CSMD2: variants seen among roughly 807,000 people sequenced by gnomAD.
CSMD2 encodes CUB and sushi domain-containing protein 2.
Under a neutral mutation model 398.5 loss-of-function variants are expected in CSMD2, and 130 were observed. The ratio of observed to expected loss-of-function variants is 0.33; its 90% CI spans 0.28 to 0.38. CSMD2 has a LOEUF of 0.38. Among genes scored for constraint, CSMD2 ranks in the 10% least tolerant of loss-of-function variants. The probability of loss-of-function intolerance (pLI) is 1.00; values close to 1 mark genes in which losing one functional copy is unlikely to be tolerated. For missense variants in CSMD2, 3,829 were observed against 4,764.9 expected (o/e 0.80, Z 5.78); for synonymous variants, 1,828 against 1,908.5 (o/e 0.96, Z 1.10).
chr1:34,082,627 T>C (rs1218385464), intron 2 of CSMD2, among the ~76,000 whole-genome samples: 1 of 152,300 alleles, frequency 6.6e-6, no homozygotes, highest in East Asian at 1.9e-4. Context: ...TTTTGTCAAA[T>C]AGAAAAGGGG....
intron 10 of CSMD2, chr1:33,805,040 C>T (rs948076105): frequency 1.6e-6 from 1 of 616,730 alleles, no homozygotes; most frequent in South Asian, 1.9e-5. Context: ...TTTAGAAACT[C>T]AGGCTGGTGG....
rs374412670 is a variant in CSMD2 at position 33,718,666 on chromosome 1, A to G, written c.3002-2165T>C. On this transcript the variant is annotated intron_variant, in intron 19 of 70. Transcript: ENST00000373381. ...TTGGCCTCCACTGAAGACCTACTGA[A>G]TCAGAATCTGCATGCTCTTCAGATC... 1.4e-3 allele frequency among the ~76,000 whole-genome samples: 206 copies of G among 152,336 alleles called. 1 individual carries two copies. Among genetic ancestry groups the G allele is most frequent in the African/African-American group, 4.6e-3 (192 of 41,572 alleles).
At chr1:34,013,062 T>C (rs1647583376) in intron 3 of CSMD2, among the ~76,000 whole-genome samples, 1 of 152,194 alleles carries the variant, frequency 6.6e-6, no homozygotes, top group African/African-American at 2.4e-5. Flanking sequence ...GTTCTCTAGG[T>C]GTGAACGCTA....
chr1:33,655,105 T>G (rs928640877), intron 27 of CSMD2, among the ~76,000 whole-genome samples: 2 of 152,210 alleles, frequency 1.3e-5, no homozygotes, highest in African/African-American at 4.8e-5. Context: ...CTTTTGAGCT[T>G]ACTAAACCAT....
chr1:33,907,142 G>A (rs552475541), intron 5 of CSMD2, among the ~76,000 whole-genome samples: 14 of 145,834 alleles, frequency 9.6e-5, no homozygotes, highest in East Asian at 4.0e-4. Context: ...TTTTTGAGAC[G>A]GAGTCTGGCT....
intron 55 of CSMD2, among the ~76,000 whole-genome samples, chr1:33,552,154 T>G (rs1657505943): frequency 6.6e-6 from 1 of 152,202 alleles, no homozygotes; most frequent in Non-Finnish European, 1.5e-5. Context: ...CATAAAAATA[T>G]GCTTAACACG....
chr1:34,140,611 G>A (rs532151198), intron 1 of CSMD2, among the ~76,000 whole-genome samples: 78 of 152,310 alleles, frequency 5.1e-4, no homozygotes, highest in Non-Finnish European at 4.4e-5. Flanking sequence ...AAGGTTTTGT[G>A]AATGAGGCAC....
chr1:33,904,443 A>G (rs1415419522), intron 5 of CSMD2, among the ~76,000 whole-genome samples: 1 of 152,230 alleles, frequency 6.6e-6, no homozygotes, highest in African/African-American at 2.4e-5. Flanking sequence ...TTCAGCCTTA[A>G]AAAGAAATGA....
At chr1:33,903,274 C>T (rs1423834023) in intron 5 of CSMD2, among the ~76,000 whole-genome samples, 1 of 151,172 alleles carries the variant, frequency 6.6e-6, no homozygotes, top group Non-Finnish European at 1.5e-5. Flanking sequence ...AAAAAACAAA[C>T]AACTGAGAGA....
intron 25 of CSMD2, among the ~76,000 whole-genome samples, chr1:33,680,599 G>T (rs1238727146): frequency 1.3e-5 from 2 of 152,126 alleles, no homozygotes; most frequent in Non-Finnish European, 2.9e-5. Flanking sequence ...TGTGCTCTGG[G>T]CCTTATATCC....
intron 4 of CSMD2, among the ~76,000 whole-genome samples, chr1:33,932,507 C>G (rs1168586993): frequency 3.9e-5 from 6 of 152,142 alleles, no homozygotes; most frequent in Non-Finnish European, 8.8e-5. Context: ...CCACCCCCGC[C>G]CAGGCCCATG....
intron 5 of CSMD2, among the ~76,000 whole-genome samples, chr1:33,851,516 T>A (rs1638707463): frequency 6.6e-6 from 1 of 152,110 alleles, no homozygotes; most frequent in South Asian, 2.1e-4. Flanking sequence ...CCTCTTCCCT[T>A]CCCACCTGTC....
intron 3 of CSMD2, among the ~76,000 whole-genome samples, chr1:33,993,092 A>G (rs759340743): frequency 2.0e-5 from 3 of 152,126 alleles, no homozygotes; most frequent in Admixed American, 6.5e-5. Flanking sequence ...ATGTGTCTCT[A>G]TATATGTATA....
At chr1:33,994,712 G>A (rs1205393253) in intron 3 of CSMD2, among the ~76,000 whole-genome samples, 1 of 152,108 alleles carries the variant, frequency 6.6e-6, no homozygotes, top group Non-Finnish European at 1.5e-5. Context: ...CTCAAACACT[G>A]ATGGGCCCAG....
chr1:34,145,869 G>T (rs79853053), intron 1 of CSMD2, among the ~76,000 whole-genome samples: 1 of 152,078 alleles, frequency 6.6e-6, no homozygotes, highest in Non-Finnish European at 1.5e-5. Flanking sequence ...CATCATTCTC[G>T]TGCCAAGAGC....
intron 29 of CSMD2, among the ~76,000 whole-genome samples, chr1:33,644,798 T>C (rs538704775): frequency 6.6e-6 from 1 of 152,256 alleles, no homozygotes; most frequent in Non-Finnish European, 1.5e-5. Context: ...AGTGTCTGAC[T>C]GTGCTGATAT....
intron 5 of CSMD2, among the ~76,000 whole-genome samples, chr1:33,902,984 C>G (rs1642853458): frequency 6.6e-6 from 1 of 152,192 alleles, no homozygotes; most frequent in Non-Finnish European, 1.5e-5. Flanking sequence ...TCTCTCACCT[C>G]CTTCCTGCCA....
rs1459297417 is a variant in CSMD2, at chr1:33,700,546, G to A, written c.3704C>T (p.Thr1235Ile). 3 of 1,614,184 alleles carry A rather than the reference G, an allele frequency of 1.9e-6. No homozygotes were observed. Among genetic ancestry groups the A allele is most frequent in the Admixed American group, 1.7e-5 (1 of 60,022 alleles). ...WLDFITDAEN[T>I]SKGFELHFSS... ...AAAGTGCAGTTCAAAGCCCTTGCTG[G>A]TGTTTTCAGCATCAGTGATGAAATC... The change falls in exon 23 of 71, where the codon ACC (threonine) becomes ATC (isoleucine). Residue 1235 changes from threonine to isoleucine, a missense_variant. Around this residue, in one of 5 missense-constraint regions of CSMD2, gnomAD observed 2,001 missense variants for 2,567.1 expected, o/e 0.78. Coordinates refer to ENST00000373381, the MANE Select transcript of CSMD2 (RefSeq NM_001281956.2).
At chr1:33,922,361 T>C (rs936212035) in intron 4 of CSMD2, among the ~76,000 whole-genome samples, 1 of 151,752 alleles carries the variant, frequency 6.6e-6, no homozygotes, top group Non-Finnish European at 1.5e-5. Context: ...AGAGAAACAT[T>C]AGAGGGGGAG....
Sources: allele counts gnomAD v4.1 joint callset (sites outside exome capture counted in the v4.1 genomes callset), GRCh38; gene constraint gnomAD v4.1.1; regional missense constraint gnomAD v4.1.1; transcripts MANE v1.5; gene names NCBI Gene and HGNC (gene_info 2026-07-23, HGNC 2026-07-21).